UNC13C: variants seen among roughly 807,000 people sequenced by gnomAD.
UNC13C encodes protein unc-13 homolog C.
UNC13C carries 174 observed loss-of-function variants against 245.4 expected under a neutral mutation model. The ratio of observed to expected loss-of-function variants is 0.71; its 90% CI spans 0.63 to 0.80. UNC13C has a LOEUF of 0.80. UNC13C is among the 30% of genes least tolerant of loss of function. The pLI, the probability that UNC13C is intolerant of heterozygous loss-of-function variation, is 0.00. For synonymous variants in UNC13C, 992 were observed against 895.1 expected, an observed-to-expected ratio of 1.11 and a Z score of -1.93; for missense variants, 2,829 against 2,602.9, an observed-to-expected ratio of 1.09 and a Z score of -1.89.
the UNC13C span, among the ~76,000 whole-genome samples, chr15:53,946,773 T>A: frequency 6.6e-6 from 1 of 151,878 alleles, no homozygotes. Context: ...TTCATTTTAG[T>A]TCTGCTTATG....
chr15:54,449,356 A>ACTGTGCAC (rs1236208619), intron 19 of UNC13C, among the ~76,000 whole-genome samples: 12 of 152,168 alleles, frequency 7.9e-5, no homozygotes, highest in African/African-American at 2.9e-4. Flanking sequence ...CCCGGATAAT[A>ACTGTGCAC]TCCTGCACAG....
At chr15:54,098,663 TA>T (rs971322152) in intron 2 of UNC13C, among the ~76,000 whole-genome samples, 88 of 152,354 alleles carry the variant, frequency 5.8e-4, no homozygotes, top group African/African-American at 2.1e-3. Flanking sequence ...TGTATCATAA[TA>T]AATTACATTT....
At chr15:54,552,629 TGTACAATATAA>T (rs1896841923) in intron 28 of UNC13C, among the ~76,000 whole-genome samples, 1 of 70,352 alleles carries the variant, frequency 1.4e-5, no homozygotes, top group African/African-American at 8.0e-5. Context: ...TATTATATAT[TGTACAATATAA>T]TATAATTATA....
Position 54,457,572 on chromosome 15 carries a change from C to A in UNC13C, c.4934-37036C>A, listed in dbSNP as rs371285358. Among the ~76,000 whole-genome samples the A allele has an allele frequency of 4.0e-5, 6 of 151,852 alleles. 1 individual carries two copies. The highest frequency in any genetic ancestry group is 1.3e-4 in the Admixed American group (2 of 15,230). The stretch of plus-strand genomic sequence containing the variant: ...CTTGCTACTTGTTCTTGCTCTGTTC[C>A]GAGTTTCTATTTTTTCCTGGTTTAA... On this transcript the variant is annotated intron_variant, in intron 19 of 32. Coordinates refer to ENST00000260323, the MANE Select transcript of UNC13C (RefSeq NM_001080534.3).
chr15:54,219,255 A>G (rs1333959693), intron 4 of UNC13C, among the ~76,000 whole-genome samples: 2 of 151,136 alleles, frequency 1.3e-5, no homozygotes, highest in African/African-American at 4.8e-5. Flanking sequence ...ACAGAGATAT[A>G]GATCAATGGA....
chr15:54,588,012 A>C (rs1898582080), intron 30 of UNC13C, among the ~76,000 whole-genome samples: 1 of 152,190 alleles, frequency 6.6e-6, no homozygotes, highest in Admixed American at 6.5e-5. Context: ...TAGTCTCAGG[A>C]AGATGGGTTT....
chr15:54,010,633 A>G (rs551972977), intron 1 of UNC13C, among the ~76,000 whole-genome samples: 1 of 152,296 alleles, frequency 6.6e-6, no homozygotes, highest in Non-Finnish European at 1.5e-5. Flanking sequence ...AGGCTGCTAA[A>G]ATAACGTTTC....
chr15:54,386,990 A>G (rs141983441), intron 17 of UNC13C, among the ~76,000 whole-genome samples: 100 of 152,312 alleles, frequency 6.6e-4, no homozygotes, highest in African/African-American at 2.3e-3. Context: ...CCTAGCTGAT[A>G]AACTGTCCAC....
chr15:54,041,613 T>A (rs1250304023), intron 2 of UNC13C, among the ~76,000 whole-genome samples: 1 of 152,230 alleles, frequency 6.6e-6, no homozygotes, highest in Non-Finnish European at 1.5e-5. Flanking sequence ...GATAATTGTC[T>A]TGGATTTAAT....
intron 10 of UNC13C, among the ~76,000 whole-genome samples, chr15:54,267,003 T>A (rs1023389934): frequency 7.2e-5 from 11 of 152,108 alleles, no homozygotes; most frequent in African/African-American, 2.7e-4. Flanking sequence ...TATTGCTTGT[T>A]AGCATTCCAT....
At chr15:54,181,523 A>G (rs1480588421) in intron 4 of UNC13C, among the ~76,000 whole-genome samples, 2 of 151,708 alleles carry the variant, frequency 1.3e-5, no homozygotes, top group East Asian at 1.9e-4. Context: ...TGCTTTGGCT[A>G]TTGGGACCCT....
chr15:54,598,492 C>T (rs1190293851), intron 30 of UNC13C, among the ~76,000 whole-genome samples: 2 of 152,186 alleles, frequency 1.3e-5, no homozygotes, highest in East Asian at 1.9e-4. Context: ...GTTCGATGCT[C>T]TCCAGAGGCA....
At chr15:53,995,656 T>C (rs1894596528) in intron 1 of UNC13C, among the ~76,000 whole-genome samples, 1 of 152,044 alleles carries the variant, frequency 6.6e-6, no homozygotes, top group East Asian at 1.9e-4. Flanking sequence ...ACCACCCAGA[T>C]AGAAGTAGCT....
intron 4 of UNC13C, among the ~76,000 whole-genome samples, chr15:54,155,621 A>AT (rs2032711159): frequency 6.6e-6 from 1 of 152,222 alleles, no homozygotes; most frequent in Admixed American, 6.5e-5. Context: ...AAAAATAGAT[A>AT]TTGCCATGAA....
intron 17 of UNC13C, among the ~76,000 whole-genome samples, chr15:54,344,651 A>AT (rs2038818601): frequency 6.6e-6 from 1 of 152,196 alleles, no homozygotes; most frequent in African/African-American, 2.4e-5. Context: ...GGAATACTTC[A>AT]TATGATTAAG....
intron 19 of UNC13C, among the ~76,000 whole-genome samples, chr15:54,419,303 A>C (rs1397783297): frequency 1.3e-5 from 2 of 152,140 alleles, no homozygotes; most frequent in Non-Finnish European, 2.9e-5. Flanking sequence ...AAAGTAATCA[A>C]ATGGAAAGAA....
chr15:54,373,228 A>G (rs1399364564), intron 17 of UNC13C, among the ~76,000 whole-genome samples: 2 of 152,174 alleles, frequency 1.3e-5, no homozygotes, highest in African/African-American at 2.4e-5. Context: ...TTAGCAGCCA[A>G]TATTACCAGA....
In UNC13C at chr15:54,014,557, G is replaced by T. The variant is rs1200498119; in HGVS notation, c.1654G>T (p.Asp552Tyr). 1 of 1,613,654 alleles carries T rather than the reference G, an allele frequency of 6.2e-7. No homozygotes were observed. Among genetic ancestry groups the T allele is most frequent in the Non-Finnish European group, 8.5e-7 (1 of 1,179,834 alleles). ...FTAKLSRSES[D>Y]FSKLCQSYSE... is the part of the protein sequence containing the mutation. ...TGCTAAACTTAGTCGTTCTGAATCAGATTTTTCCAAATTGTGTCAGTCTTA... is the reference window on the plus strand; with the variant it reads ...TGCTAAACTTAGTCGTTCTGAATCATATTTTTCCAAATTGTGTCAGTCTTA... Residue 552 changes from aspartate to tyrosine, a missense_variant, in exon 2 of 33, where the codon GAT (aspartate) becomes TAT (tyrosine). Asp to Tyr is a radical substitution (Grantham distance 160). Transcript: ENST00000260323.
chr15:53,930,821 C>T, the UNC13C span, among the ~76,000 whole-genome samples: 1 of 152,138 alleles, frequency 6.6e-6, no homozygotes, highest in African/African-American at 2.4e-5. Flanking sequence ...AGTTGCTTCC[C>T]TCATGCATTT....
Sources: allele counts gnomAD v4.1 joint callset (sites outside exome capture counted in the v4.1 genomes callset), GRCh38; gene constraint gnomAD v4.1.1; transcripts MANE v1.5; gene names NCBI Gene and HGNC (gene_info 2026-07-23, HGNC 2026-07-21).